The following BRPF3 variants were observed in gnomAD, a reference collection of about 807,000 sequenced individuals.
BRPF3 encodes the protein bromodomain and PHD finger containing 3.
A neutral mutation model predicts 102.0 loss-of-function variants in BRPF3; 18 were observed. The observed-to-expected ratio is 0.18, with a 90% CI of 0.12 to 0.26. BRPF3 has a LOEUF of 0.26. Among genes scored for constraint, BRPF3 ranks in the 10% least tolerant of loss-of-function variants. BRPF3 has a pLI of 1.00. For missense variants in BRPF3, 1,147 were observed against 1,567.8 expected, an observed-to-expected ratio of 0.73 and a Z score of 4.53; for synonymous variants, 570 against 614.2, an observed-to-expected ratio of 0.93 and a Z score of 1.06.
chr6:36,222,065 T>C, intron 9 of BRPF3, 103 bp from the exon 10 acceptor site: 1 of 1,148,562 alleles, frequency 8.7e-7, no homozygotes, highest in South Asian at 1.4e-5. Flanking sequence ...GAAGAGTTTT[T>C]GCAGCTCCAC....
intron 11 of BRPF3, among the ~76,000 whole-genome samples, chr6:36,226,218 G>A (rs1768734991): frequency 1.3e-5 from 2 of 152,182 alleles, no homozygotes; most frequent in Non-Finnish European, 2.9e-5. Context: ...CCTTCTTGGG[G>A]CAAAGTCTAT....
intron 12 of BRPF3, 75 bp downstream of exon 12, chr6:36,229,131 G>A (rs1768846512): frequency 1.3e-6 from 2 of 1,539,366 alleles, no homozygotes; most frequent in Admixed American, 1.9e-5. Context: ...CTAGTGAGGT[G>A]TACAGAGGGG....
rs375532065 is a variant in BRPF3 at position 36,201,647 on chromosome 6, A to C, written c.1325A>C (p.Lys442Thr). 6.2e-7 allele frequency: 1 copy of C among 1,614,112 alleles called. No homozygotes were observed. The highest frequency in any genetic ancestry group is 1.3e-5 in the African/African-American group (1 of 74,938). Residue 442 changes from lysine (K) to threonine (T), a missense_variant, in exon 2 of 13, where the codon AAG (lysine) becomes ACG (threonine). Physicochemically the swap from Lys to Thr is moderately conservative, Grantham distance 78 (BLOSUM62 -1). Around this residue, in one of 11 missense-constraint regions of BRPF3, gnomAD observed 157 missense variants for 163.6 expected, o/e 0.96. Transcript: ENST00000357641. The surrounding 1 kb of genome is among the most constrained non-coding windows in gnomAD (Gnocchi z 5.1). ...CAAGGCGGGGTGAGTGGCTCCCTCA[A>C]GGGAGTGCCCAAGAAAAGCAAGATG... ...EAQGGVSGSLKGVPKKSKMSL... is the reference protein window; with the variant it reads ...EAQGGVSGSLTGVPKKSKMSL...
intron 11 of BRPF3, among the ~76,000 whole-genome samples, 198 bp from the exon 12 acceptor site, chr6:36,228,703 GA>G (rs1004024108): frequency 1.5e-4 from 22 of 151,138 alleles, no homozygotes; most frequent in South Asian, 8.3e-4. Context: ...AAATTGACAG[GA>G]AAAAAAAAGT....
Position 36,217,981 on chromosome 6 carries a change from CAGT to C in BRPF3, c.3055_3057del (p.Ser1019del). On this transcript the variant is annotated inframe_deletion, in exon 9 of 13. Transcript: ENST00000357641. Reference sequence around the variant, plus strand: ...CTGACTCTGAATGTAGTTTGGGTCTCAGTGGTGGACTGGCATTTGAAGCTTGCA... The same window carrying C: ...CTGACTCTGAATGTAGTTTGGGTCTCGGTGGACTGGCATTTGAAGCTTGCA... 6.2e-7 allele frequency: 1 copy of C among 1,613,560 alleles called. No homozygotes were observed. Among genetic ancestry groups the C allele is most frequent in the Non-Finnish European group, 8.5e-7 (1 of 1,179,798 alleles).
Position 36,214,265 on chromosome 6 carries a change from G to A in BRPF3, c.2868G>A (p.Val956=). Residue 956 remains valine (V), a synonymous_variant, in exon 8 of 13, where the codon GTG becomes GTA. Coordinates refer to ENST00000357641, the MANE Select transcript of BRPF3 (RefSeq NM_015695.3). ...RVLENGEDHG[V]AGSPASPASI... is the part of the protein sequence containing the mutation. Reference sequence around the variant, plus strand: ...TGGAGAATGGCGAGGACCATGGTGTGGCAGGCTCTCCTGCCTCTCCAGCCA... The same window carrying A: ...TGGAGAATGGCGAGGACCATGGTGTAGCAGGCTCTCCTGCCTCTCCAGCCA... 1 of 1,613,822 alleles carries A rather than the reference G, an allele frequency of 6.2e-7. No individual in the cohort carries two copies. Among genetic ancestry groups the A allele is most frequent in the Non-Finnish European group, 8.5e-7 (1 of 1,179,998 alleles).
At chr6:36,206,009 A>G (rs1434129029) in intron 3 of BRPF3, among the ~76,000 whole-genome samples, 4 of 151,998 alleles carry the variant, frequency 2.6e-5, no homozygotes, top group Non-Finnish European at 5.9e-5. Context: ...CCTTGGAGTT[A>G]CTTTTGACTC....
Position 36,214,225 on chromosome 6 carries a change from G to T in BRPF3, c.2828G>T (p.Ser943Ile), listed in dbSNP as rs1768241136. The change falls in exon 8 of 13, where the codon AGC becomes ATC. Residue 943 changes from serine to isoleucine, a missense_variant. By Grantham distance (142) the Ser-to-Ile change is moderately radical. This residue lies in a region of BRPF3 where 379 missense variants were observed against 426.3 expected (regional missense o/e 0.89). Transcript: ENST00000357641. ...KAKNGVKLQR[S>I]PDRVLENGED... The stretch of plus-strand genomic sequence containing the variant: ...AAGAATGGGGTTAAGCTACAGAGAA[G>T]CCCAGACAGGGTCCTGGAGAATGGC... 9.3e-6 allele frequency: 15 copies of T among 1,614,210 alleles called. No individual in the cohort carries two copies. Among genetic ancestry groups the T allele is most frequent in the Non-Finnish European group, 1.3e-5 (15 of 1,180,030 alleles).
chr6:36,228,775 C>T, intron 11 of BRPF3, 127 bp from the exon 12 acceptor site: 1 of 1,089,824 alleles, frequency 9.2e-7, no homozygotes, highest in Non-Finnish European at 1.4e-6. Context: ...CTGGTCTGGA[C>T]ATCAAAGATA....
chr6:36,205,062 A>G (rs919511404), intron 3 of BRPF3, among the ~76,000 whole-genome samples: 14 of 152,176 alleles, frequency 9.2e-5, no homozygotes, highest in South Asian at 8.3e-4. Flanking sequence ...AGCTTTCCAT[A>G]TATGTGGGGA....
intron 4 of BRPF3, 94 bp downstream of exon 4, chr6:36,207,538 T>C (rs1384535433): frequency 4.7e-6 from 7 of 1,485,828 alleles, no homozygotes; most frequent in East Asian, 2.4e-5. Flanking sequence ...CCCTGCCTTA[T>C]GCTAGGTTTC....
In BRPF3 at chr6:36,214,160, T is replaced by C; in HGVS notation, c.2763T>C (p.Ser921=). ...ACACCCCGGCCGGTACCCCACTTAG[T>C]GGTGTGGGTCGCCGCACATCAGTCC... ...APDTPAGTPL[S]GVGRRTSVLF... is the part of the protein sequence containing the mutation. The change falls in exon 8 of 13, where the codon AGT becomes AGC. Residue 921 remains serine, a synonymous_variant. Coordinates refer to ENST00000357641, the MANE Select transcript of BRPF3 (RefSeq NM_015695.3). 1 of 1,614,082 alleles carries C rather than the reference T, an allele frequency of 6.2e-7. No homozygotes were observed. The highest frequency in any genetic ancestry group is 1.1e-5 in the South Asian group (1 of 91,078).
At chr6:36,198,857 G>A (rs1767597951) in intron 1 of BRPF3, among the ~76,000 whole-genome samples, 1 of 152,126 alleles carries the variant, frequency 6.6e-6, no homozygotes, top group Non-Finnish European at 1.5e-5. Context: ...GAATGATGGG[G>A]GAAACTAGGA....
intron 9 of BRPF3, among the ~76,000 whole-genome samples, chr6:36,221,953 T>G (rs1768559731): frequency 6.6e-6 from 1 of 152,174 alleles, no homozygotes. Context: ...GTTCAGTCCT[T>G]CCATGTAGAT....
intron 10 of BRPF3, among the ~76,000 whole-genome samples, chr6:36,224,378 T>G (rs1006218540): frequency 1.3e-5 from 2 of 152,148 alleles, no homozygotes; most frequent in South Asian, 4.2e-4. Flanking sequence ...GAAGCATCTG[T>G]GAAGCACTCA....
chr6:36,202,047 A>G lies in BRPF3; in HGVS notation c.1448+277A>G, dbSNP rs143032920. Among the ~76,000 whole-genome samples, 529 of 152,332 alleles carry G rather than the reference A, an allele frequency of 3.5e-3. 3 individuals are homozygous for G. The highest frequency in any genetic ancestry group is 0.012 in the African/African-American group (495 of 41,572). ...TAAGACAGTATTTTTCAATAGGGGC[A>G]CTAAGTGACATTTTGGACAGGATAA... On this transcript the variant is annotated intron_variant, in intron 2 of 12. Coordinates refer to ENST00000357641, the MANE Select transcript of BRPF3 (RefSeq NM_015695.3).
At chr6:36,225,582 T>TA (rs1182243927) in intron 11 of BRPF3, among the ~76,000 whole-genome samples, 2 of 152,200 alleles carry the variant, frequency 1.3e-5, no homozygotes, top group Non-Finnish European at 2.9e-5. Flanking sequence ...CCAGGGTTCT[T>TA]AGAGTTTTAA....
At chr6:36,204,374 G>A (rs1767829951) in intron 2 of BRPF3, 2 of 431,900 alleles carry the variant, frequency 4.6e-6, no homozygotes, top group Non-Finnish European at 4.3e-6. Context: ...CGTGGAACAA[G>A]GAAGTCCAGG....
chr6:36,225,459 G>C, intron 11 of BRPF3, 95 bp downstream of exon 11: 2 of 1,163,616 alleles, frequency 1.7e-6, no homozygotes, highest in Non-Finnish European at 2.5e-6. Context: ...GTGGGAGTCA[G>C]AGTGTCTTTA....
Sources: gnomAD v4.1 joint callset for allele counts (sites outside exome capture counted in the v4.1 genomes callset) on GRCh38, gnomAD v4.1.1 for gene constraint, gnomAD v4.1.1 regional missense constraint, Gnocchi (gnomAD v3.1) non-coding constraint, MANE v1.5 for transcripts, NCBI Gene and HGNC (gene_info 2026-07-23, HGNC 2026-07-21) for gene names.